The following MYO15A variants were observed in gnomAD, a reference collection of about 807,000 sequenced individuals.
The protein encoded by MYO15A is myosin XVA.
Under a neutral mutation model 394.6 loss-of-function variants are expected in MYO15A, and 308 were observed. That is an observed-to-expected ratio of 0.78 (90% CI 0.71 to 0.86). MYO15A has a LOEUF of 0.86. MYO15A is among the 40% of genes least tolerant of loss of function. The pLI, the probability that MYO15A is intolerant of heterozygous loss-of-function variation, is 0.00. For synonymous variants in MYO15A, 1,957 were observed against 2,003.8 expected (o/e 0.98, Z 0.62); for missense variants, 4,606 against 4,799.1 (o/e 0.96, Z 1.19).
chr17:18,135,580 A>G (rs2046250692), intron 12 of MYO15A, 131 bp from the exon 13 acceptor site: 1 of 795,418 alleles, frequency 1.3e-6, no homozygotes. Flanking sequence ...GCCTCAGGTG[A>G]TCCACCCGCC....
At chr17:18,130,872 C>A in intron 8 of MYO15A, 62 bp downstream of exon 8, 1 of 690,528 alleles carries the variant, frequency 1.4e-6, no homozygotes, top group Non-Finnish European at 1.9e-6. Flanking sequence ...GTGTGTGTGT[C>A]TGTCCAGGAA....
rs760050720 is a variant in MYO15A at position 18,166,499 on chromosome 17, A to G, written c.9926A>G (p.Tyr3309Cys). Residue 3309 changes from tyrosine (Y) to cysteine (C), a missense_variant, in exon 61 of 66, where the codon TAT becomes TGT. Tyr to Cys is a radical substitution (Grantham distance 194, BLOSUM62 -2). Around this residue, in one of 2 missense-constraint regions of MYO15A, gnomAD observed 2,776 missense variants for 3,109.3 expected, o/e 0.89. Coordinates refer to ENST00000647165, the MANE Select transcript of MYO15A (RefSeq NM_016239.4). ...DQPLKFENEL[Y>C]VTMHYNQVLP... ...CCACTCAAGTTCGAGAATGAGCTAT[A>G]TGTGACCATGCACTACAACCAGGTC... 1.8e-5 allele frequency: 29 copies of G among 1,613,584 alleles called. No homozygotes were observed. The South Asian group carries it at 3.1e-4, about 17-fold the overall frequency.
chr17:18,141,123 T>C lies in MYO15A; in HGVS notation c.5511T>C (p.Pro1837=). The change falls in exon 22 of 66, where the codon CCT becomes CCC. Residue 1837 remains proline (P), a synonymous_variant. Transcript: ENST00000647165. ...IRKEGFPVRL[P]FQGFIDRYCC... is the part of the protein sequence containing the mutation. ...AGGAGGGATTTCCAGTGCGCCTGCC[T>C]TTCCAGGGGTTCATCGACAGGTATC... The C allele has an allele frequency of 1.2e-6, 2 of 1,613,850 alleles. No individual in the cohort carries two copies. Among genetic ancestry groups the C allele is most frequent in the Non-Finnish European group, 1.7e-6 (2 of 1,180,036 alleles).
intron 8 of MYO15A, 48 bp downstream of exon 8, chr17:18,130,858 G>A (rs1555542227): frequency 2.0e-6 from 3 of 1,532,556 alleles, no homozygotes; most frequent in Non-Finnish European, 1.8e-6. Context: ...GTGTGTGTGT[G>A]TGTGTGTGTG....
intron 51 of MYO15A, 96 bp downstream of exon 51, chr17:18,157,996 C>T (rs1020890400): frequency 7.1e-7 from 1 of 1,415,924 alleles, no homozygotes; most frequent in African/African-American, 1.4e-5. Context: ...GGGCCAAGGG[C>T]CTGGCCAGGC....
Position 18,162,696 on chromosome 17 carries a change from A to T in MYO15A, c.9612+17A>T, listed in dbSNP as rs1307664093. On this transcript the variant is annotated intron_variant, in intron 58 of 65. Transcript: ENST00000647165. ...GCCATGTTGGTGAGCATAGGGTGGG[A>T]GTGGGTTCAAAATGAATGGGAGGCT... 1 of 1,613,012 alleles carries T rather than the reference A, an allele frequency of 6.2e-7. No individual in the cohort carries two copies. Among genetic ancestry groups the T allele is most frequent in the South Asian group, 1.1e-5 (1 of 91,044 alleles).
At chr17:18,138,719 T>A (rs1290469627) in intron 17 of MYO15A, 92 bp from the exon 18 acceptor site, 6 of 1,526,676 alleles carry the variant, frequency 3.9e-6, no homozygotes, top group Non-Finnish European at 4.5e-6. Context: ...GGTGCTCAGT[T>A]GGGAGCAGTC....
In MYO15A at chr17:18,121,391, T is replaced by C. The variant is rs1378469853; in HGVS notation, c.2591T>C (p.Leu864Pro). ...CHSPRRSSLNLPSRLPHTWRR... is the reference protein window; with the variant it reads ...CHSPRRSSLNPPSRLPHTWRR... ...AGCCCGCGGCGCAGCTCCCTGAATC[T>C]GCCCTCGCGCCTCCCGCACACGTGG... Residue 864 changes from leucine to proline, a missense_variant, in exon 2 of 66, where the codon CTG (leucine) becomes CCG (proline). Around this residue, in one of 2 missense-constraint regions of MYO15A, gnomAD observed 1,830 missense variants for 1,689.7 expected, o/e 1.08. Transcript: ENST00000647165. This position sits in a 1 kb window ranked among gnomAD's most constrained non-coding sequence, Gnocchi z 5.3. 1.3e-6 allele frequency: 2 copies of C among 1,531,354 alleles called. No homozygotes were observed. The highest frequency in any genetic ancestry group is 1.4e-5 in the African/African-American group (1 of 72,288). The allele number at this position is 1,531,354 out of a possible 1,614,324, so 94.9% of individuals were successfully genotyped here.
In MYO15A at chr17:18,142,816, C is replaced by A; in HGVS notation, c.5886C>A (p.Tyr1962Ter). ...LVKFRSLVHA[Y>*]VSRRRYLKLR... Reference sequence around the variant, plus strand: ...AGTTCCGGTCCCTGGTACACGCATACGTGAGCCGCCGACGCTATCTCAAGG... The same window carrying A: ...AGTTCCGGTCCCTGGTACACGCATAAGTGAGCCGCCGACGCTATCTCAAGG... Residue 1962 changes from tyrosine (Y) to a stop codon, truncating the protein, a stop_gained, in exon 25 of 66, where the codon TAC (tyrosine) becomes TAA (stop). Transcript: ENST00000647165. LOFTEE classifies it high-confidence loss of function. 6.2e-7 allele frequency: 1 copy of A among 1,613,046 alleles called. No individual in the cohort carries two copies. The highest frequency in any genetic ancestry group is 1.1e-5 in the South Asian group (1 of 90,876).
chr17:18,121,376 G>T lies in MYO15A; in HGVS notation c.2576G>T (p.Arg859Leu). Residue 859 changes from arginine to leucine, a missense_variant, in exon 2 of 66, where the codon CGC (arginine) becomes CTC (leucine). Physicochemically the swap from Arg to Leu is moderately radical, Grantham distance 102. Transcript: ENST00000647165. This position sits in a 1 kb window ranked among gnomAD's most constrained non-coding sequence, Gnocchi z 5.3. ...CTGGGGCTCTGCCACAGCCCGCGGC[G>T]CAGCTCCCTGAATCTGCCCTCGCGC... The part of the protein sequence containing the change: ...PPLGLCHSPR[R>L]SSLNLPSRLP... 2 of 1,520,818 alleles carry T rather than the reference G, an allele frequency of 1.3e-6. No homozygotes were observed. The highest frequency in any genetic ancestry group is 1.2e-5 in the South Asian group (1 of 82,654). The allele number at this position is 1,520,818 out of a possible 1,614,324, so 94.2% of individuals were successfully genotyped here.
chr17:18,162,601 C>T lies in MYO15A; in HGVS notation c.9534C>T (p.Cys3178=), dbSNP rs2142402323. ...GLPFQGIAKA[C]EQNLQKTLRF... The stretch of plus-strand genomic sequence containing the variant: ...CTTCTGCAGGGATCGCCAAGGCCTG[C>T]GAGCAGAACCTGCAGAAAACCTTGC... The change falls in exon 58 of 66, where the codon TGC becomes TGT. Residue 3178 remains cysteine, a synonymous_variant. Coordinates refer to ENST00000647165, the MANE Select transcript of MYO15A (RefSeq NM_016239.4). 5.6e-6 allele frequency: 9 copies of T among 1,613,948 alleles called. No individual in the cohort carries two copies. Among genetic ancestry groups the T allele is most frequent in the African/African-American group, 1.3e-5 (1 of 75,044 alleles).
chr17:18,154,668 C>A lies in MYO15A; in HGVS notation c.8149-12C>A. The A allele has an allele frequency of 6.2e-7, 1 of 1,613,090 alleles. No homozygotes were observed. Among genetic ancestry groups the A allele is most frequent in the East Asian group, 2.2e-5 (1 of 44,884 alleles). On this transcript the variant is annotated splice_polypyrimidine_tract_variant and intron_variant, in intron 44 of 65. Coordinates refer to ENST00000647165, the MANE Select transcript of MYO15A (RefSeq NM_016239.4). ...TCCCATGTGCTGCCTGCATCACAGC[C>A]TGTTCCCACAGATCCTGCACGACAC...
Position 18,139,569 on chromosome 17 carries a change from G to A in MYO15A, c.5169G>A (p.Val1723=), listed in dbSNP as rs763118935. 3.7e-6 allele frequency: 6 copies of A among 1,614,032 alleles called. No homozygotes were observed. The South Asian group carries it at 5.5e-5, about 15-fold the overall frequency. ...TCCTGGACAAGAACCACGACCAAGT[G>A]CGCCAGGATGTGCTGGACCTGTTCG... is the stretch of plus-strand genomic sequence containing the variant. ...HKFLDKNHDQ[V]RQDVLDLFVR... is the part of the protein sequence containing the mutation. The change falls in exon 19 of 66, where the codon GTG becomes GTA. Residue 1723 remains valine, a synonymous_variant. Coordinates refer to ENST00000647165, the MANE Select transcript of MYO15A (RefSeq NM_016239.4).
chr17:18,155,023 A>G, intron 45 of MYO15A, 87 bp from the exon 46 acceptor site: 6 of 1,295,276 alleles, frequency 4.6e-6, no homozygotes, highest in Non-Finnish European at 6.6e-6. Context: ...CTTGCTGGGT[A>G]TCAGCCACCT....
rs971585261 is a variant in MYO15A at position 18,149,562 on chromosome 17, G to A, written c.7194G>A (p.Val2398=). The stretch of plus-strand genomic sequence containing the variant: ...ACCTGGATAGCCTCTTTGACCCTGT[G>A]CTGTCCTACGGGGATGCGGTAGGGA... ...DCYLDSLFDP[V]LSYGDADLEK... is the part of the protein sequence containing the mutation. The change falls in exon 35 of 66, where the codon GTG becomes GTA. Residue 2398 remains valine, a synonymous_variant. Transcript: ENST00000647165. The A allele has an allele frequency of 6.2e-7, 1 of 1,614,182 alleles. No individual in the cohort carries two copies. The highest frequency in any genetic ancestry group is 1.3e-5 in the African/African-American group (1 of 75,054).
At chr17:18,149,094 GT>G in intron 33 of MYO15A, 121 bp from the exon 34 acceptor site, 1 of 1,488,618 alleles carries the variant, frequency 6.7e-7, no homozygotes, top group Non-Finnish European at 9.2e-7. Context: ...AGGAGGTAGA[GT>G]TCACCAAAGG....
Position 18,163,962 on chromosome 17 carries a change from A to T in MYO15A, c.9787+124A>T, listed in dbSNP as rs2046812717. 8.6e-6 allele frequency: 8 copies of T among 929,098 alleles called. No homozygotes were observed. In the South Asian group the frequency reaches 1.1e-4, roughly 13 times the overall value. The allele number at this position is 929,098 out of a possible 1,614,324, so 57.6% of individuals were successfully genotyped here. ...GCCACTTCCTCCAGGAAGCCCCTTGACCCCCATGTGGAAGGATCTCTGTGT... is the reference window on the plus strand; with the variant it reads ...GCCACTTCCTCCAGGAAGCCCCTTGTCCCCCATGTGGAAGGATCTCTGTGT... On this transcript the variant is annotated intron_variant, in intron 60 of 65. Transcript: ENST00000647165.
intron 1 of MYO15A, among the ~76,000 whole-genome samples, chr17:18,110,799 A>G (rs747639968): frequency 7.2e-4 from 109 of 152,168 alleles, no homozygotes; most frequent in Non-Finnish European, 1.2e-3. Flanking sequence ...CATGCCCTCA[A>G]TCACTCTGCT....
chr17:18,157,653 C>T, intron 50 of MYO15A, 69 bp from the exon 51 acceptor site: 3 of 1,595,818 alleles, frequency 1.9e-6, no homozygotes, highest in Non-Finnish European at 2.5e-6. Context: ...TCCCAAATCT[C>T]CCTAAAGGAC....
Sources: gnomAD v4.1 joint callset for allele counts (sites outside exome capture counted in the v4.1 genomes callset) on GRCh38, gnomAD v4.1.1 for gene constraint, gnomAD v4.1.1 regional missense constraint, Gnocchi (gnomAD v3.1) non-coding constraint, MANE v1.5 for transcripts, NCBI Gene and HGNC (gene_info 2026-07-23, HGNC 2026-07-21) for gene names.